Variants in NADK observed in about 807,000 individuals in gnomAD.
NADK encodes NAD kinase.
A neutral mutation model predicts 49.8 loss-of-function variants in NADK; 22 were observed. The ratio of observed to expected loss-of-function variants is 0.44; its 90% CI spans 0.32 to 0.63. The LOEUF is 0.63. NADK is among the 30% of genes least tolerant of loss of function. The pLI, the probability that NADK is intolerant of heterozygous loss-of-function variation, is 0.06. For missense variants in NADK, 438 were observed against 609.4 expected, an observed-to-expected ratio of 0.72 and a Z score of 2.96; for synonymous variants, 268 against 253.7, an observed-to-expected ratio of 1.06 and a Z score of -0.54.
intron 3 of NADK, chr1:1,758,393 G>A (rs1209168388): frequency 6.2e-7 from 1 of 1,611,040 alleles, no homozygotes; most frequent in Non-Finnish European, 8.5e-7. Context: ...GGAGGCGTGG[G>A]GTCACTCATG....
chr1:1,765,273 C>A lies in NADK; in HGVS notation c.134G>T (p.Arg45Leu). Residue 45 changes from arginine (R) to leucine (L), a missense_variant, in exon 2 of 12, where the codon CGC (arginine) becomes CTC (leucine). By Grantham distance (102) the Arg-to-Leu change is moderately radical. Coordinates refer to ENST00000341426, the MANE Select transcript of NADK (RefSeq NM_023018.5). ...CAGGGCGGGCGAGGCAGACAGGCTG[C>A]GAGACTTGGCCCGGCCCCGGATGGG... ...NHPIRGRAKS[R>L]SLSASPALGS... is the part of the protein sequence containing the mutation. 6.2e-7 allele frequency: 1 copy of A among 1,612,888 alleles called. No individual in the cohort carries two copies. The highest frequency in any genetic ancestry group is 8.5e-7 in the Non-Finnish European group (1 of 1,179,426).
chr1:1,756,471 A>G (rs1212452246), intron 5 of NADK, 32 bp downstream of exon 5: 2 of 1,613,668 alleles, frequency 1.2e-6, no homozygotes, highest in Non-Finnish European at 1.7e-6. Context: ...ACTGTGCTGG[A>G]GAAACCAAGG....
intron 1 of NADK, among the ~76,000 whole-genome samples, chr1:1,772,541 G>A (rs889148558): frequency 6.6e-6 from 1 of 152,134 alleles, no homozygotes; most frequent in African/African-American, 2.4e-5. Context: ...GGGAGGCCGA[G>A]GCGGGAGGAT....
Position 1,752,908 on chromosome 1 carries a change from CCCT to C in NADK, c.1334_1336del (p.Glu445del), listed in dbSNP as rs71578334. On this transcript the variant is annotated inframe_deletion, in exon 12 of 12. Transcript: ENST00000341426. ...GGGCCTGGATAGGGGCTTGACCTAG[CCCT>C]CCTCCTCCTCCTCCTCCTCCTCCTC... The C allele has an allele frequency of 6.5e-3, 9,468 of 1,467,238 alleles. 135 individuals carry two copies. In the African/African-American group the frequency reaches 0.065, roughly 10 times the overall value. The allele number at this position is 1,467,238 out of a possible 1,614,324, so 90.9% of individuals were successfully genotyped here.
intron 2 of NADK, among the ~76,000 whole-genome samples, chr1:1,762,824 T>C (rs919061764): frequency 1.3e-5 from 2 of 152,178 alleles, no homozygotes; most frequent in African/African-American, 4.8e-5. Flanking sequence ...GCTCAACAAC[T>C]TTCCTAGTGA....
chr1:1,754,378 C>T lies in NADK; in HGVS notation c.849G>A (p.Leu283=). 6.2e-7 allele frequency: 1 copy of T among 1,613,924 alleles called. No individual in the cohort carries two copies. The highest frequency in any genetic ancestry group is 8.5e-7 in the Non-Finnish European group (1 of 1,179,904). Residue 283 remains leucine (L), a synonymous_variant, in exon 9 of 12, where the codon CTG becomes CTA. Coordinates refer to ENST00000341426, the MANE Select transcript of NADK (RefSeq NM_023018.5). This position sits in a 1 kb window ranked among gnomAD's most constrained non-coding sequence, Gnocchi z 4.3. Reference sequence around the variant, plus strand: ...GGCCTCTGTCAATCACCACCTCATTCAGGACCTGGAGGGGCGACAGCATTG... The same window carrying T: ...GGCCTCTGTCAATCACCACCTCATTTAGGACCTGGAGGGGCGACAGCATTG... The part of the protein sequence containing the change: ...VGKQAMQYQV[L]NEVVIDRGPS...
chr1:1,757,766 GCA>G (rs904240925), intron 3 of NADK, among the ~76,000 whole-genome samples: 5 of 152,092 alleles, frequency 3.3e-5, no homozygotes, highest in African/African-American at 9.7e-5. Context: ...AGGATCCTCT[GCA>G]CACAGTTTCT....
chr1:1,765,193 A>AG, intron 2 of NADK, 35 bp downstream of exon 2: 2 of 1,521,926 alleles, frequency 1.3e-6, no homozygotes, highest in Non-Finnish European at 1.8e-6. Flanking sequence ...AAATCAGACG[A>AG]GAAAAAAAAG....
In NADK at chr1:1,760,013, G is replaced by A. The variant is rs1004805260; in HGVS notation, c.263+1939C>T. ...GGCGGGACAGAGCCACGGCGGGGCC[G>A]GGAGGGCAGTGGAGCACTCTGGGTC... On this transcript the variant is annotated intron_variant, in intron 3 of 11. Coordinates refer to ENST00000341426, the MANE Select transcript of NADK (RefSeq NM_023018.5). The A allele has an allele frequency of 7.4e-6, 9 of 1,222,906 alleles. No individual in the cohort carries two copies. In the African/African-American group the frequency reaches 7.5e-5, roughly 10 times the overall value. 75.8% of individuals were successfully genotyped at this position (1,222,906 alleles called of 1,614,324 possible). A position where few individuals can be genotyped will look rare whatever the true frequency, so the allele number is the denominator to read the frequency against.
chr1:1,770,817 T>C (rs1030705308), intron 1 of NADK, among the ~76,000 whole-genome samples: 1 of 151,808 alleles, frequency 6.6e-6, no homozygotes, highest in Non-Finnish European at 1.5e-5. Context: ...GAGGCCGAGG[T>C]GGGTGGGGAT....
chr1:1,754,987 A>T lies in NADK; in HGVS notation c.689-289T>A, dbSNP rs916541158. The T allele has an allele frequency of 3.9e-5, 16 of 411,114 alleles. No homozygotes were observed. In the Admixed American group the frequency reaches 5.5e-4, roughly 14 times the overall value. The allele number at this position is 411,114 out of a possible 1,614,324, so 25.5% of individuals were successfully genotyped here. On this transcript the variant is annotated intron_variant, in intron 7 of 11. Coordinates refer to ENST00000341426, the MANE Select transcript of NADK (RefSeq NM_023018.5). The surrounding 1 kb of genome is among the most constrained non-coding windows in gnomAD (Gnocchi z 4.3). ...CGGGTGCGCACCACCACGCCCAGCT[A>T]ATTTTTGTATTTTTAGTAGAGACGG...
chr1:1,760,415 C>T (rs913758070), intron 3 of NADK, among the ~76,000 whole-genome samples: 5 of 152,324 alleles, frequency 3.3e-5, no homozygotes, highest in Non-Finnish European at 5.9e-5. Context: ...AGCAGCTCCT[C>T]GGATGACTCC....
At chr1:1,763,618 C>CA (rs750600587) in intron 2 of NADK, among the ~76,000 whole-genome samples, 1,718 of 27,432 alleles carry the variant, frequency 0.063, 45 homozygotes, top group East Asian at 0.23. Context: ...GACTCCATCT[C>CA]AAAAAAAAAA....
intron 2 of NADK, among the ~76,000 whole-genome samples, chr1:1,763,991 T>C (rs370975353): frequency 1.3e-5 from 2 of 152,202 alleles, no homozygotes; most frequent in East Asian, 3.9e-4. Context: ...CGACCCCCAC[T>C]GACAACGAGG....
intron 3 of NADK, among the ~76,000 whole-genome samples, chr1:1,760,579 T>C (rs1190232246): frequency 6.6e-6 from 1 of 152,168 alleles, no homozygotes; most frequent in Non-Finnish European, 1.5e-5. Flanking sequence ...CGCTTTCTGG[T>C]CAACAGTCCC....
chr1:1,756,682 G>A (rs996152295), intron 4 of NADK, 74 bp from the exon 5 acceptor site: 20 of 1,604,974 alleles, frequency 1.2e-5, no homozygotes, highest in Non-Finnish European at 1.5e-5. Context: ...CCGACTCACG[G>A]GCGCTGTGGT....
In NADK at chr1:1,753,049, GTGA is replaced by G; in HGVS notation, c.1193_1195del (p.Ile398del). Reference sequence around the variant, plus strand: ...GGAGGGGAGCGGGTAGCATGAGGTAGTGATGCTGATGCTGGGACGGGAGAGCAG... The same window carrying G: ...GGAGGGGAGCGGGTAGCATGAGGTAGTGCTGATGCTGGGACGGGAGAGCAG... On this transcript the variant is annotated inframe_deletion, in exon 12 of 12. Transcript: ENST00000341426. 6.2e-7 allele frequency: 1 copy of G among 1,610,240 alleles called. No homozygotes were observed. Among genetic ancestry groups the G allele is most frequent in the Non-Finnish European group, 8.5e-7 (1 of 1,178,340 alleles).
intron 3 of NADK, 28 bp from the exon 4 acceptor site, chr1:1,757,338 C>G: frequency 6.4e-7 from 1 of 1,569,914 alleles, no homozygotes; most frequent in Non-Finnish European, 8.7e-7. Context: ...AGAGTTCACA[C>G]CAGCTGCGAT....
In NADK at chr1:1,770,567, C is replaced by T. The variant is rs1240193087; in HGVS notation, c.-40-5121G>A. Among the ~76,000 whole-genome samples the T allele has an allele frequency of 3.0e-4, 45 of 152,106 alleles. 1 individual carries two copies. Among genetic ancestry groups the T allele is most frequent in the Admixed American group, 2.6e-3 (40 of 15,254 alleles). ...CTAACATGGTGAAACTCTGTCTCTA[C>T]TAAAAATACAAAAAATTAGCCGGGC... On this transcript the variant is annotated intron_variant, in intron 1 of 11. Transcript: ENST00000341426.
Sources: gnomAD v4.1 joint callset for allele counts (sites outside exome capture counted in the v4.1 genomes callset) on GRCh38, gnomAD v4.1.1 for gene constraint, Gnocchi (gnomAD v3.1) non-coding constraint, MANE v1.5 for transcripts, NCBI Gene and HGNC (gene_info 2026-07-23, HGNC 2026-07-21) for gene names.